The following GSE1 variants were observed in gnomAD, a reference collection of about 807,000 sequenced individuals.
The protein encoded by GSE1 is Gse1 coiled-coil protein, also known as genetic suppressor element 1.
A neutral mutation model predicts 112.6 loss-of-function variants in GSE1; 32 were observed. That is an observed-to-expected ratio of 0.28 (90% CI 0.21 to 0.38). The LOEUF (loss-of-function observed/expected upper bound fraction) is 0.38, where lower values mean the gene tolerates loss of function less well. Ranked by LOEUF, GSE1 falls within the 10% of genes least tolerant of loss-of-function variation. The pLI, the probability that GSE1 is intolerant of heterozygous loss-of-function variation, is 1.00. For missense variants in GSE1, 2,348 were observed against 1,699.2 expected, an observed-to-expected ratio of 1.38 and a Z score of -6.71; for synonymous variants, 1,115 against 735.6, an observed-to-expected ratio of 1.52 and a Z score of -8.35.
At chr16:85,300,038 T>A (rs1273337207) in intron 1 of GSE1, among the ~76,000 whole-genome samples, 1 of 151,400 alleles carries the variant, frequency 6.6e-6, no homozygotes, top group Non-Finnish European at 1.5e-5. Context: ...TGAGACACAG[T>A]TTTGCTCTTC....
chr16:85,447,405 GC>G (rs2049546499), intron 2 of GSE1, among the ~76,000 whole-genome samples: 1 of 152,224 alleles, frequency 6.6e-6, no homozygotes, highest in Non-Finnish European at 1.5e-5. Context: ...TTGACCTTGG[GC>G]AGATGACCTC....
In GSE1 at chr16:85,230,912, A is replaced by G. The variant is rs571797302; in HGVS notation, c.2283+59105A>G. The stretch of plus-strand genomic sequence containing the variant: ...ATGGGTGGAAGGATGGATAGAATGG[A>G]ATGGATGGATGGATGAATGAATGGA... On this transcript the variant is annotated intron_variant, in intron 1 of 2. Coordinates refer to the GSE1 transcript ENST00000637419. Among the ~76,000 whole-genome samples, 5 of 148,332 alleles carry G rather than the reference A, an allele frequency of 3.4e-5. No individual in the cohort carries two copies. The East Asian group carries it at 1.0e-3, about 30-fold the overall frequency.
chr16:85,564,875 C>A (rs978453921), intron 1 of GSE1, among the ~76,000 whole-genome samples: 1 of 152,296 alleles, frequency 6.6e-6, no homozygotes, highest in East Asian at 1.9e-4. Flanking sequence ...CCTCAGACAG[C>A]CAGGCGTGCG....
chr16:85,268,313 C>A (rs1451804353), intron 1 of GSE1, among the ~76,000 whole-genome samples: 2 of 152,088 alleles, frequency 1.3e-5, no homozygotes, highest in African/African-American at 2.4e-5. Context: ...CCCCCGCAGT[C>A]CTCCTCCTGA....
intron 1 of GSE1, among the ~76,000 whole-genome samples, chr16:85,212,207 A>G (rs2075237968): frequency 1.3e-5 from 2 of 152,202 alleles, no homozygotes; most frequent in South Asian, 4.1e-4. Flanking sequence ...GGAGATCGAG[A>G]CCAGCCTGGC....
At chr16:85,626,672 C>T (rs894854056) in intron 1 of GSE1, among the ~76,000 whole-genome samples, 1 of 152,198 alleles carries the variant, frequency 6.6e-6, no homozygotes, top group Non-Finnish European at 1.5e-5. Context: ...GAAAATTCAC[C>T]TCAGCTATTA....
chr16:85,599,277 T>G (rs59502696), intron 1 of GSE1, among the ~76,000 whole-genome samples: 6,797 of 152,250 alleles, frequency 0.045, 501 homozygotes, highest in African/African-American at 0.15. Flanking sequence ...TAAATTACAA[T>G]TAATTTTTAA....
intron 3 of GSE1, among the ~76,000 whole-genome samples, chr16:85,649,753 A>G (rs1248924880): frequency 6.6e-6 from 1 of 152,190 alleles, no homozygotes; most frequent in Non-Finnish European, 1.5e-5. Context: ...CCACTTGGAA[A>G]TACTAATTAA....
chr16:85,640,015 G>A (rs576402262), intron 2 of GSE1, among the ~76,000 whole-genome samples: 19 of 152,218 alleles, frequency 1.2e-4, no homozygotes, highest in Non-Finnish European at 2.2e-4. Context: ...CTGGGAGGCC[G>A]GCGCTTTGGG....
At position 85,656,616 on chromosome 16, in the gene GSE1, C is replaced by T; in HGVS notation, c.1263C>T (p.Ala421=). 6.5e-7 allele frequency: 1 copy of T among 1,543,930 alleles called. No individual in the cohort carries two copies. Among genetic ancestry groups the T allele is most frequent in the Non-Finnish European group, 8.7e-7 (1 of 1,143,896 alleles). The change falls in exon 7 of 16, where the codon GCC becomes GCT. Residue 421 remains alanine, a synonymous_variant. Coordinates refer to ENST00000253458, the MANE Select transcript of GSE1 (RefSeq NM_014615.5). Reference sequence around the variant, plus strand: ...AGCTGCATGGGCTGCGTGGCCATGCCACTGAGGAGCGGGGCAAGCCCTCGG... The same window carrying T: ...AGCTGCATGGGCTGCGTGGCCATGCTACTGAGGAGCGGGGCAAGCCCTCGG... The part of the protein sequence containing the change: ...VAELHGLRGH[A]TEERGKPSEQ...
At chr16:85,493,131 G>C (rs1038984533) in intron 2 of GSE1, among the ~76,000 whole-genome samples, 1 of 152,212 alleles carries the variant, frequency 6.6e-6, no homozygotes, top group African/African-American at 2.4e-5. Flanking sequence ...TCTCCAGGGA[G>C]GGGCGATGCA....
chr16:85,667,501 C>T (rs1387693622), intron 13 of GSE1, among the ~76,000 whole-genome samples: 2 of 152,240 alleles, frequency 1.3e-5, no homozygotes, highest in African/African-American at 2.4e-5. Context: ...GGGATCAAAA[C>T]AGCCACGCCT....
intron 1 of GSE1, among the ~76,000 whole-genome samples, chr16:85,602,524 G>T (rs1037977402): frequency 6.6e-6 from 1 of 152,044 alleles, no homozygotes; most frequent in African/African-American, 2.4e-5. Flanking sequence ...CCGGATCCCT[G>T]CCCGACCCAC....
intron 1 of GSE1, among the ~76,000 whole-genome samples, chr16:85,205,857 C>G (rs1372610036): frequency 2.6e-5 from 4 of 152,210 alleles, no homozygotes; most frequent in African/African-American, 4.8e-5. Context: ...CTCATTCATT[C>G]ATCTGGTGCT....
Position 85,655,755 on chromosome 16 carries a change from T to C in GSE1, c.827T>C (p.Leu276Pro). The change falls in exon 6 of 16, where the codon CTG (leucine) becomes CCG (proline). Residue 276 changes from leucine (L) to proline (P), a missense_variant. Physicochemically the swap from Leu to Pro is moderately conservative, Grantham distance 98. Coordinates refer to ENST00000253458, the MANE Select transcript of GSE1 (RefSeq NM_014615.5). ...GACGACTCCTACTGCCTGTCTGCCC[T>C]GAGGTCCCCGTTCTACCCCATCCCC... ...RMDDSYCLSA[L>P]RSPFYPIPTP... 6.2e-7 allele frequency: 1 copy of C among 1,608,870 alleles called. No homozygotes were observed. Among genetic ancestry groups the C allele is most frequent in the African/African-American group, 1.3e-5 (1 of 74,954 alleles).
intron 1 of GSE1, among the ~76,000 whole-genome samples, chr16:85,196,077 T>C (rs1040210719): frequency 6.6e-6 from 1 of 152,066 alleles, no homozygotes; most frequent in Admixed American, 6.6e-5. Flanking sequence ...TCACGCCCAG[T>C]GGGGAAAAAC....
chr16:85,594,510 C>T (rs1466329717), intron 1 of GSE1: 1 of 152,242 alleles, frequency 6.6e-6, no homozygotes, highest in East Asian at 1.9e-4. Context: ...TTCAAATTGT[C>T]CTTCCTTCAC....
At chr16:85,244,292 G>A (rs1905408923) in intron 1 of GSE1, among the ~76,000 whole-genome samples, 1 of 152,108 alleles carries the variant, frequency 6.6e-6, no homozygotes, top group South Asian at 2.1e-4. Flanking sequence ...GGCATCGCTG[G>A]CTTTGAAGGT....
chr16:85,198,877 C>G (rs1456081005), intron 1 of GSE1, among the ~76,000 whole-genome samples: 4 of 152,028 alleles, frequency 2.6e-5, no homozygotes, highest in Non-Finnish European at 5.9e-5. Context: ...TTCCTGGGCT[C>G]AAGCGATCCT....
Sources: allele counts gnomAD v4.1 joint callset (sites outside exome capture counted in the v4.1 genomes callset), GRCh38; gene constraint gnomAD v4.1.1; transcripts MANE v1.5; gene names NCBI Gene and HGNC (gene_info 2026-07-23, HGNC 2026-07-21).